ANKRD6: variants seen among roughly 807,000 people sequenced by gnomAD.
ANKRD6 encodes the protein ankyrin repeat domain 6, also known as ankyrin repeat domain-containing protein 6.
Under a neutral mutation model 82.3 loss-of-function variants are expected in ANKRD6, and 56 were observed. The ratio of observed to expected loss-of-function variants is 0.68; its 90% CI spans 0.55 to 0.85. ANKRD6 has a LOEUF of 0.85. ANKRD6 is among the 40% of genes least tolerant of loss of function. The pLI is 0.00. For synonymous variants in ANKRD6, 347 were observed against 352.1 expected (o/e 0.99, Z 0.16); for missense variants, 852 against 907.6 (o/e 0.94, Z 0.79).
intron 1 of ANKRD6, among the ~76,000 whole-genome samples, chr6:89,458,781 A>C (rs1041719599): frequency 6.6e-6 from 1 of 152,234 alleles, no homozygotes; most frequent in Non-Finnish European, 1.5e-5. Flanking sequence ...CACACCCAGG[A>C]ACAATACTTT....
Position 89,433,582 on chromosome 6 carries a change from G to T in ANKRD6, c.-144+207G>T, listed in dbSNP as rs983997867. Among the ~76,000 whole-genome samples the T allele has an allele frequency of 1.3e-5, 2 of 152,288 alleles. No individual in the cohort carries two copies. Among genetic ancestry groups the T allele is most frequent in the African/African-American group, 2.4e-5 (1 of 41,564 alleles). On this transcript the variant is annotated intron_variant, in intron 1 of 15. Coordinates refer to ENST00000339746, the MANE Select transcript of ANKRD6 (RefSeq NM_001242809.2). The surrounding 1 kb of genome is among the most constrained non-coding windows in gnomAD (Gnocchi z 4.3). Reference sequence around the variant, plus strand: ...GCCCGGCGCGAGGGGGTCCCCCCGGGGCGCCTCCCTCTTCGCCTGGCATCA... The same window carrying T: ...GCCCGGCGCGAGGGGGTCCCCCCGGTGCGCCTCCCTCTTCGCCTGGCATCA...
rs1344622044 is a variant in ANKRD6, at chr6:89,493,390, C to G, written c.-144+60015C>G. Among the ~76,000 whole-genome samples the G allele has an allele frequency of 1.2e-4, 18 of 151,906 alleles. No individual in the cohort carries two copies. In the East Asian group the frequency reaches 3.1e-3, roughly 26 times the overall value. ...GTGTCTCTGTGTGTCAACTCTCACT[C>G]TCTCTCTCCCTCTCCTTTTTTAATT... On this transcript the variant is annotated intron_variant, in intron 1 of 15. Coordinates refer to ENST00000339746, the MANE Select transcript of ANKRD6 (RefSeq NM_001242809.2).
chr6:89,442,636 CA>C (rs59245345), intron 1 of ANKRD6, among the ~76,000 whole-genome samples: 47,203 of 97,450 alleles, frequency 0.48, 8,965 homozygotes, highest in Non-Finnish European at 0.53. Context: ...AACCCTGTCT[CA>C]AAAAAAAAAA....
chr6:89,534,242 G>C (rs1245207686), intron 1 of ANKRD6, among the ~76,000 whole-genome samples: 1 of 152,200 alleles, frequency 6.6e-6, no homozygotes, highest in African/African-American at 2.4e-5. Flanking sequence ...CACCCTAACA[G>C]ATTCTTGCTG....
At chr6:89,496,081 C>A (rs926958470) in intron 1 of ANKRD6, among the ~76,000 whole-genome samples, 41 of 152,056 alleles carry the variant, frequency 2.7e-4, no homozygotes, top group African/African-American at 9.7e-4. Context: ...TCTTACTAAG[C>A]CTGTCTCCCA....
intron 1 of ANKRD6, among the ~76,000 whole-genome samples, chr6:89,495,429 C>G (rs9451232): frequency 0.33 from 50,016 of 151,960 alleles, 8,483 homozygotes; most frequent in Non-Finnish European, 0.35. Context: ...GACCTAATCT[C>G]TAGATAGGAC....
intron 1 of ANKRD6, among the ~76,000 whole-genome samples, chr6:89,529,485 A>G (rs993699160): frequency 3.9e-5 from 6 of 152,216 alleles, no homozygotes; most frequent in South Asian, 2.1e-4. Flanking sequence ...TCTTCTATCC[A>G]GACCAAACTT....
chr6:89,500,289 A>T (rs1278123658), intron 1 of ANKRD6, among the ~76,000 whole-genome samples: 2 of 151,862 alleles, frequency 1.3e-5, no homozygotes, highest in African/African-American at 4.8e-5. Context: ...CTTCCCCTTT[A>T]CTTGGAGGTG....
intron 2 of ANKRD6, among the ~76,000 whole-genome samples, chr6:89,584,970 A>C (rs2128126194): frequency 6.6e-6 from 1 of 152,086 alleles, no homozygotes; most frequent in Non-Finnish European, 1.5e-5. Context: ...TCAGGGCCCT[A>C]CCCTCATTTC....
At chr6:89,598,198 T>C in intron 3 of ANKRD6, 1 of 985,398 alleles carries the variant, frequency 1.0e-6, no homozygotes, top group Non-Finnish European at 1.2e-6. Flanking sequence ...AACCAGTTCT[T>C]TAGATTATGC....
intron 2 of ANKRD6, among the ~76,000 whole-genome samples, chr6:89,576,011 A>C (rs1475529975): frequency 2.6e-5 from 4 of 152,202 alleles, no homozygotes; most frequent in Non-Finnish European, 5.9e-5. Flanking sequence ...GTTTTAAGAG[A>C]AAGGCTCACT....
intron 1 of ANKRD6, among the ~76,000 whole-genome samples, chr6:89,454,224 G>A (rs1773236018): frequency 6.6e-6 from 1 of 152,150 alleles, no homozygotes; most frequent in South Asian, 2.1e-4. Flanking sequence ...CACATCTAGA[G>A]TCTTCGCATG....
At chr6:89,587,829 CTAGTAGAT>C (rs1794083114) in intron 2 of ANKRD6, among the ~76,000 whole-genome samples, 2 of 152,110 alleles carry the variant, frequency 1.3e-5, no homozygotes, top group African/African-American at 4.8e-5. Context: ...TGTAAGTAGA[CTAGTAGAT>C]AAAATATATT....
intron 6 of ANKRD6, among the ~76,000 whole-genome samples, chr6:89,612,915 A>AG (rs1800580558): frequency 6.6e-6 from 1 of 152,214 alleles, no homozygotes; most frequent in Non-Finnish European, 1.5e-5. Context: ...ACGTTGGCTA[A>AG]ATAAATAAAT....
intron 1 of ANKRD6, among the ~76,000 whole-genome samples, chr6:89,544,560 A>C (rs957639144): frequency 2.6e-5 from 4 of 151,982 alleles, no homozygotes; most frequent in African/African-American, 9.7e-5. Context: ...TAATAATACA[A>C]AAAATTAGCT....
chr6:89,544,942 G>A lies in ANKRD6; in HGVS notation c.-143-21892G>A, dbSNP rs1056052331. ...GAAAGGGATGTTTCGGGCCAGGCACGGTGGCTCACGCCTGTAATCCCAGCA... is the reference window on the plus strand; with the variant it reads ...GAAAGGGATGTTTCGGGCCAGGCACAGTGGCTCACGCCTGTAATCCCAGCA... On this transcript the variant is annotated intron_variant, in intron 1 of 15. Transcript: ENST00000339746. Among the ~76,000 whole-genome samples, 8 of 151,574 alleles carry A rather than the reference G, an allele frequency of 5.3e-5. No individual in the cohort carries two copies. The East Asian group carries it at 1.2e-3, about 22-fold the overall frequency.
rs181515845 is a variant in ANKRD6 at position 89,573,142 on chromosome 6, A to G, written c.120+6046A>G. 3.2e-3 allele frequency among the ~76,000 whole-genome samples: 492 copies of G among 152,250 alleles called. 3 individuals are homozygous for G. Among genetic ancestry groups the G allele is most frequent in the Admixed American group, 8.2e-3 (125 of 15,276 alleles). On this transcript the variant is annotated intron_variant, in intron 2 of 15. Coordinates refer to ENST00000339746, the MANE Select transcript of ANKRD6 (RefSeq NM_001242809.2). ...CATGCCTAGCTGATAATAATGAGCA[A>G]CTTCCTGGGCGATCCTACTGCCTCA...
chr6:89,596,385 A>G (rs1288360165), intron 3 of ANKRD6, among the ~76,000 whole-genome samples: 1 of 152,204 alleles, frequency 6.6e-6, no homozygotes, highest in Non-Finnish European at 1.5e-5. Context: ...CTTGCCGGAA[A>G]TGTGTGTCAA....
In ANKRD6 at chr6:89,623,436, C is replaced by A; in HGVS notation, c.924C>A (p.Pro308=). 1 of 1,611,902 alleles carries A rather than the reference C, an allele frequency of 6.2e-7. No homozygotes were observed. The highest frequency in any genetic ancestry group is 8.5e-7 in the Non-Finnish European group (1 of 1,179,030). Residue 308 remains proline, a synonymous_variant, in exon 11 of 16, where the codon CCC becomes CCA. Coordinates refer to ENST00000339746, the MANE Select transcript of ANKRD6 (RefSeq NM_001242809.2). ...SKGSVSAGDT[P]SSEQAVARKE... ...GCAGTGTCTCAGCAGGAGACACCCC[C>A]AGCAGTGAACAGGCTGTGGCCAGAA...
Sources: allele counts gnomAD v4.1 joint callset (sites outside exome capture counted in the v4.1 genomes callset), GRCh38; gene constraint gnomAD v4.1.1; non-coding constraint Gnocchi (gnomAD v3.1); transcripts MANE v1.5; gene names NCBI Gene and HGNC (gene_info 2026-07-23, HGNC 2026-07-21).